The following SLC39A11 variants were observed in gnomAD, a reference collection of about 807,000 sequenced individuals.
SLC39A11 encodes the protein solute carrier family 39 member 11, also known as zinc transporter ZIP11.
SLC39A11 carries 33 observed loss-of-function variants against 36.1 expected under a neutral mutation model. That is an observed-to-expected ratio of 0.91 (90% confidence interval 0.69 to 1.22). The LOEUF is 1.22. Ranked by LOEUF, SLC39A11 falls within the 50% of genes most tolerant of loss-of-function variation. The pLI, the probability that SLC39A11 is intolerant of heterozygous loss-of-function variation, is 0.00. For missense variants in SLC39A11, 432 were observed against 430.3 expected (o/e 1.00, Z -0.03); for synonymous variants, 166 against 170.3 (o/e 0.97, Z 0.20).
In SLC39A11 at chr17:72,706,996, C is replaced by T. The variant is rs374377746; in HGVS notation, c.671+29654G>A. Among the ~76,000 whole-genome samples the T allele has an allele frequency of 1.6e-4, 25 of 152,230 alleles. No individual in the cohort carries two copies. The South Asian group carries it at 2.1e-3, about 13-fold the overall frequency. ...ATGGTAGCCATGGGTTATGTGTGGC[C>T]GTTGAGCACCTGAAATATGGTGAAT... On this transcript the variant is annotated intron_variant, in intron 7 of 9. Coordinates refer to ENST00000255559, the MANE Select transcript of SLC39A11 (RefSeq NM_139177.4).
At chr17:72,780,213 G>A (rs930304360) in intron 6 of SLC39A11, among the ~76,000 whole-genome samples, 2 of 152,140 alleles carry the variant, frequency 1.3e-5, no homozygotes, top group Non-Finnish European at 2.9e-5. Context: ...AAAGCAGTGA[G>A]GAGAAACTGA....
chr17:73,036,574 G>A (rs2058923048), intron 3 of SLC39A11, among the ~76,000 whole-genome samples: 1 of 152,102 alleles, frequency 6.6e-6, no homozygotes, highest in African/African-American at 2.4e-5. Flanking sequence ...AGCCTCCTGA[G>A]CAGCTGGGAT....
intron 5 of SLC39A11, among the ~76,000 whole-genome samples, chr17:72,887,882 C>T (rs2081514111): frequency 6.6e-6 from 1 of 152,178 alleles, no homozygotes; most frequent in East Asian, 1.9e-4. Context: ...AAACCTAAAC[C>T]CTAAGTGTGA....
At chr17:72,915,442 T>G (rs1030702145) in intron 5 of SLC39A11, among the ~76,000 whole-genome samples, 2 of 152,240 alleles carry the variant, frequency 1.3e-5, no homozygotes, top group African/African-American at 4.8e-5. Flanking sequence ...CCCCTCACTC[T>G]TCTGCTTCCT....
chr17:72,761,316 TGTTG>T (rs562859056), intron 6 of SLC39A11, among the ~76,000 whole-genome samples: 80 of 152,250 alleles, frequency 5.3e-4, no homozygotes, highest in African/African-American at 1.8e-3. Flanking sequence ...ATTTTCACCA[TGTTG>T]GCAAAGCTGG....
At chr17:72,690,626 T>C (rs1163313476) in intron 7 of SLC39A11, among the ~76,000 whole-genome samples, 2 of 152,156 alleles carry the variant, frequency 1.3e-5, no homozygotes, top group Admixed American at 1.3e-4. Context: ...TTGTGAACAG[T>C]TCTATAACCT....
intron 5 of SLC39A11, among the ~76,000 whole-genome samples, chr17:72,886,382 T>C (rs1356446936): frequency 2.0e-5 from 3 of 152,214 alleles, no homozygotes; most frequent in African/African-American, 7.2e-5. Context: ...CAACCCAAAC[T>C]TGTTTTTCTC....
At chr17:72,824,723 G>A (rs2077940897) in intron 6 of SLC39A11, among the ~76,000 whole-genome samples, 1 of 151,284 alleles carries the variant, frequency 6.6e-6, no homozygotes, top group Admixed American at 6.6e-5. Flanking sequence ...CACTTGCTAT[G>A]CCTGAGCAAA....
chr17:72,809,199 T>TTCTC (rs66472539), intron 6 of SLC39A11, among the ~76,000 whole-genome samples: 159 of 102,318 alleles, frequency 1.6e-3, no homozygotes, highest in Middle Eastern at 0.011. Flanking sequence ...TTTCTTTTCT[T>TTCTC]TCTCTCTCTC....
intron 4 of SLC39A11, among the ~76,000 whole-genome samples, chr17:73,020,609 A>G (rs1263067047): frequency 1.3e-5 from 2 of 151,524 alleles, no homozygotes; most frequent in African/African-American, 4.9e-5. Context: ...TATACTGTTC[A>G]TGACCTCCCC....
intron 6 of SLC39A11, among the ~76,000 whole-genome samples, chr17:72,825,181 C>G (rs999594933): frequency 6.6e-6 from 1 of 152,076 alleles, no homozygotes; most frequent in African/African-American, 2.4e-5. Context: ...GCCCTGTTGC[C>G]CTGCACAACA....
chr17:73,000,028 C>T (rs1300282956), intron 4 of SLC39A11, among the ~76,000 whole-genome samples: 1 of 152,186 alleles, frequency 6.6e-6, no homozygotes, highest in Non-Finnish European at 1.5e-5. Flanking sequence ...AGGCCTGAGC[C>T]ACCACCACAC....
At chr17:72,913,676 G>A (rs2083158075) in intron 5 of SLC39A11, among the ~76,000 whole-genome samples, 1 of 152,234 alleles carries the variant, frequency 6.6e-6, no homozygotes. Context: ...GCTCCTCTGA[G>A]GTTGCGGACC....
At chr17:73,059,462 T>A (rs1252206620) in intron 3 of SLC39A11, among the ~76,000 whole-genome samples, 3 of 151,576 alleles carry the variant, frequency 2.0e-5, no homozygotes, top group African/African-American at 7.3e-5. Context: ...AGGTCAGGAG[T>A]TCGAGACCAG....
chr17:73,009,820 G>A (rs1194895080), intron 4 of SLC39A11, among the ~76,000 whole-genome samples: 1 of 152,048 alleles, frequency 6.6e-6, no homozygotes, highest in Non-Finnish European at 1.5e-5. Flanking sequence ...CATGTGCCAT[G>A]TTGGTGTGCT....
intron 6 of SLC39A11, among the ~76,000 whole-genome samples, chr17:72,831,211 A>G (rs1276055193): frequency 2.0e-5 from 3 of 152,158 alleles, no homozygotes; most frequent in Non-Finnish European, 4.4e-5. Context: ...AATATAGAGA[A>G]GAGAAATAAA....
chr17:72,827,799 C>G (rs1598895327), intron 6 of SLC39A11, among the ~76,000 whole-genome samples: 1 of 152,192 alleles, frequency 6.6e-6, no homozygotes, highest in Non-Finnish European at 1.5e-5. Context: ...AGACTATCTT[C>G]CATGATGATG....
intron 3 of SLC39A11, among the ~76,000 whole-genome samples, chr17:73,076,062 C>T (rs1027051202): frequency 1.1e-4 from 17 of 151,922 alleles, no homozygotes; most frequent in Non-Finnish European, 2.1e-4. Context: ...CACCTAAAAT[C>T]TTTTCCACCC....
intron 5 of SLC39A11, among the ~76,000 whole-genome samples, chr17:72,875,818 C>T (rs2080873423): frequency 6.6e-6 from 1 of 152,026 alleles, no homozygotes; most frequent in Non-Finnish European, 1.5e-5. Context: ...AGTCACGGGA[C>T]CAAACTGAGG....
Sources: allele counts gnomAD v4.1 joint callset (sites outside exome capture counted in the v4.1 genomes callset), GRCh38; gene constraint gnomAD v4.1.1; transcripts MANE v1.5; gene names NCBI Gene and HGNC (gene_info 2026-07-23, HGNC 2026-07-21).